TYRO3: variants seen among roughly 807,000 people sequenced by gnomAD.
TYRO3 encodes tyrosine-protein kinase receptor TYRO3.
A neutral mutation model predicts 95.2 loss-of-function variants in TYRO3; 38 were observed. That is an observed-to-expected ratio of 0.40 (90% CI 0.31 to 0.52). The LOEUF (loss-of-function observed/expected upper bound fraction) is 0.52. TYRO3 is among the 20% of genes least tolerant of loss of function. The pLI is 0.56. For missense variants in TYRO3, 812 were observed against 1,116.4 expected, an observed-to-expected ratio of 0.73 and a Z score of 3.89; for synonymous variants, 367 against 432.9, an observed-to-expected ratio of 0.85 and a Z score of 1.89.
At chr15:41,566,504 G>A (rs2055726871) in intron 6 of TYRO3, among the ~76,000 whole-genome samples, 1 of 152,142 alleles carries the variant, frequency 6.6e-6, no homozygotes, top group African/African-American at 2.4e-5. Context: ...ATGGTTCTGA[G>A]TCTGCTTCTG....
intron 8 of TYRO3, 110 bp downstream of exon 8, chr15:41,568,472 C>A (rs2055753252): frequency 1.8e-6 from 2 of 1,135,142 alleles, no homozygotes; most frequent in Non-Finnish European, 1.2e-6. Flanking sequence ...GGGTCTCCCG[C>A]AGCCCCAGGG....
Position 41,569,882 on chromosome 15 carries a change from A to C in TYRO3, c.1253-145A>C. 1.4e-5 allele frequency: 14 copies of C among 1,025,530 alleles called. No individual in the cohort carries two copies. The South Asian group carries it at 2.3e-4, about 17-fold the overall frequency. The allele number at this position is 1,025,530 out of a possible 1,614,324, so 63.5% of individuals were successfully genotyped here. A position where few individuals can be genotyped will look rare whatever the true frequency, so the allele number is the denominator to read the frequency against. On this transcript the variant is annotated intron_variant, in intron 9 of 18. Coordinates refer to ENST00000263798, the MANE Select transcript of TYRO3 (RefSeq NM_006293.4). ...CTCTGACCAGGTAGGAAGGACTCTT[A>C]GGCATTCCTCTGGAGCCCCTTTCCC... is the stretch of plus-strand genomic sequence containing the variant.
chr15:41,564,104 A>T, intron 4 of TYRO3, 80 bp from the exon 5 acceptor site: 1 of 1,318,496 alleles, frequency 7.6e-7, no homozygotes, highest in Non-Finnish European at 1.1e-6. Flanking sequence ...TTCAGACCAG[A>T]GCCTGAGTAT....
Position 41,559,257 on chromosome 15 carries a change from G to A in TYRO3, c.-1G>A. 1 of 404,848 alleles carries A rather than the reference G, an allele frequency of 2.5e-6. No individual in the cohort carries two copies. The highest frequency in any genetic ancestry group is 3.9e-6 in the Non-Finnish European group (1 of 255,224). 25.1% of individuals were successfully genotyped at this position (404,848 alleles called of 1,614,324 possible). A position where few individuals can be genotyped will look rare whatever the true frequency, so the allele number is the denominator to read the frequency against. Reference sequence around the variant, plus strand: ...CCCGGCATGGTGCGGCGTCGCCGCCGATGGCGCTGAGGCGGAGCATGGGGC... The same window carrying A: ...CCCGGCATGGTGCGGCGTCGCCGCCAATGGCGCTGAGGCGGAGCATGGGGC... On this transcript the variant is annotated 5_prime_UTR_variant, in exon 1 of 19. Transcript: ENST00000263798.
intron 18 of TYRO3, chr15:41,574,537 C>T: frequency 2.4e-6 from 1 of 415,106 alleles, no homozygotes; most frequent in Non-Finnish European, 4.8e-6. Context: ...GATTAAGTAA[C>T]ATGGCCAACG....
chr15:41,565,761 T>G (rs945261943), intron 6 of TYRO3, among the ~76,000 whole-genome samples: 2 of 151,702 alleles, frequency 1.3e-5, no homozygotes, highest in Non-Finnish European at 2.9e-5. Flanking sequence ...AGCTCAAACC[T>G]TTGCTGATAC....
At chr15:41,577,629 C>T (rs1595507066) in intron 18 of TYRO3, 1 of 304,478 alleles carries the variant, frequency 3.3e-6, no homozygotes, top group East Asian at 6.9e-5. Context: ...GCTGGGACTA[C>T]AGGCGTGTCT....
intron 1 of TYRO3, 106 bp downstream of exon 1, chr15:41,559,487 C>A (rs2052134013): frequency 3.7e-6 from 1 of 268,746 alleles, no homozygotes. Context: ...GGGTGGGGGT[C>A]CGGAGCCGAA....
intron 5 of TYRO3, 48 bp downstream of exon 5, chr15:41,564,318 C>A (rs777822199): frequency 6.4e-7 from 1 of 1,558,808 alleles, no homozygotes; most frequent in Non-Finnish European, 8.8e-7. Context: ...AGGGGCATTC[C>A]CAGCGAGCTG....
intron 18 of TYRO3, 119 bp from the exon 19 acceptor site, chr15:41,577,767 C>G (rs943323348): frequency 9.4e-7 from 1 of 1,063,084 alleles, no homozygotes; most frequent in East Asian, 2.4e-5. Context: ...ATTACAGATG[C>G]GAGCCGCTGT....
rs1367702118 is a variant in TYRO3, at chr15:41,583,337, C to T, written c.*5061C>T. On this transcript the variant is annotated 3_prime_UTR_variant, in exon 19 of 19. Transcript: ENST00000263798. Reference sequence around the variant, plus strand: ...TAGAGATGGAGTCTTGCTTTGTTGCCCAGGCTGGTCTTGAACTCTGGGCTG... The same window carrying T: ...TAGAGATGGAGTCTTGCTTTGTTGCTCAGGCTGGTCTTGAACTCTGGGCTG... The T allele has an allele frequency of 6.6e-6, 1 of 152,048 alleles. No homozygotes were observed. The highest frequency in any genetic ancestry group is 2.4e-5 in the African/African-American group (1 of 41,392). The allele number at this position is 152,048 out of a possible 1,614,324, so 9.4% of individuals were successfully genotyped here. A position where few individuals can be genotyped will look rare whatever the true frequency, so the allele number is the denominator to read the frequency against.
At position 41,570,050 on chromosome 15, in the gene TYRO3, C is replaced by T. The variant is rs1167709203; in HGVS notation, c.1276C>T (p.Arg426Cys). ...AGGCCAGCAGGGCCCTCCTCACAGC[C>T]GCACATCCTGGGTACCTGTGGTCCT... ...RAGQQGPPHS[R>C]TSWVPVVLGV... The change falls in exon 10 of 19, where the codon CGC (arginine) becomes TGC (cysteine). Residue 426 changes from arginine (R) to cysteine (C), a missense_variant. By Grantham distance (180) the Arg-to-Cys change is radical (BLOSUM62 -3). Coordinates refer to ENST00000263798, the MANE Select transcript of TYRO3 (RefSeq NM_006293.4). 1.9e-6 allele frequency: 3 copies of T among 1,613,408 alleles called. No homozygotes were observed. The highest frequency in any genetic ancestry group is 2.2e-5 in the East Asian group (1 of 44,894).
rs2055932639 is a variant in TYRO3, at chr15:41,582,541, G to T, written c.*4265G>T. 6.6e-6 allele frequency: 1 copy of T among 151,826 alleles called. No individual in the cohort carries two copies. The highest frequency in any genetic ancestry group is 6.6e-5 in the Admixed American group (1 of 15,232). The allele number at this position is 151,826 out of a possible 1,614,324, so 9.4% of individuals were successfully genotyped here. A position where few individuals can be genotyped will look rare whatever the true frequency, so the allele number is the denominator to read the frequency against. ...CTCGGAAAAAAAAAAAATTAGCTGG[G>T]CGTGCTGGTGGGTGCCTGTAATCCC... On this transcript the variant is annotated 3_prime_UTR_variant, in exon 19 of 19. Coordinates refer to ENST00000263798, the MANE Select transcript of TYRO3 (RefSeq NM_006293.4).
rs942620024 is a variant in TYRO3 at position 41,582,052 on chromosome 15, A to G, written c.*3776A>G. Reference sequence around the variant, plus strand: ...AATCTCTGCCTCCTCCCTACTCCCCATAGGTAACCTCTATCCTGACCTCTT... The same window carrying G: ...AATCTCTGCCTCCTCCCTACTCCCCGTAGGTAACCTCTATCCTGACCTCTT... On this transcript the variant is annotated 3_prime_UTR_variant, in exon 19 of 19. Transcript: ENST00000263798. 2.0e-5 allele frequency: 3 copies of G among 152,222 alleles called. No individual in the cohort carries two copies. Among genetic ancestry groups the G allele is most frequent in the Admixed American group, 6.5e-5 (1 of 15,268 alleles). The allele number at this position is 152,222 out of a possible 1,614,324, so 9.4% of individuals were successfully genotyped here. A position where few individuals can be genotyped will look rare whatever the true frequency, so the allele number is the denominator to read the frequency against.
Position 41,578,353 on chromosome 15 carries a change from C to T in TYRO3, c.*77C>T, listed in dbSNP as rs756289948. ...GCTGGCTGACTAAGCCCCGTCTGAC[C>T]CCAGCCCAGACAGCAAGGTGTGGAG... is the stretch of plus-strand genomic sequence containing the variant. On this transcript the variant is annotated 3_prime_UTR_variant, in exon 19 of 19. Transcript: ENST00000263798. 5 of 1,567,412 alleles carry T rather than the reference C, an allele frequency of 3.2e-6. No homozygotes were observed. The highest frequency in any genetic ancestry group is 4.3e-6 in the Non-Finnish European group (5 of 1,152,082).
Position 41,561,522 on chromosome 15 carries a change from G to A in TYRO3, c.309-17G>A, listed in dbSNP as rs370628908. 28 of 1,000,846 alleles carry A rather than the reference G, an allele frequency of 2.8e-5. No individual in the cohort carries two copies. Among genetic ancestry groups the A allele is most frequent in the Middle Eastern group, 4.6e-4 (2 of 4,324 alleles). The allele number at this position is 1,000,846 out of a possible 1,614,324, so 62.0% of individuals were successfully genotyped here. ...GCCCTTGCCCTCGGAAGCAAGCCTC[G>A]TATCCTGTTTCCACAGCCTGAAGTC... On this transcript the variant is annotated splice_polypyrimidine_tract_variant and intron_variant, in intron 2 of 18. Transcript: ENST00000263798.
intron 3 of TYRO3, chr15:41,562,247 A>T: frequency 4.1e-6 from 1 of 244,998 alleles, no homozygotes; most frequent in Non-Finnish European, 7.5e-6. Context: ...GCTACTCCGG[A>T]GGCTAAGGCC....
At chr15:41,577,125 A>G (rs2140837020) in intron 18 of TYRO3, among the ~76,000 whole-genome samples, 1 of 152,222 alleles carries the variant, frequency 6.6e-6, no homozygotes, top group East Asian at 1.9e-4. Context: ...GTAAATGTGG[A>G]AATGATTTCT....
At chr15:41,576,665 TTTTTA>T (rs1476646105) in intron 18 of TYRO3, among the ~76,000 whole-genome samples, 20 of 129,568 alleles carry the variant, frequency 1.5e-4, no homozygotes, top group East Asian at 6.2e-4. Flanking sequence ...TTTTTTTTTT[TTTTTA>T]AAAAAAAAAA....
Sources: allele counts gnomAD v4.1 joint callset (sites outside exome capture counted in the v4.1 genomes callset), GRCh38; gene constraint gnomAD v4.1.1; transcripts MANE v1.5; gene names NCBI Gene and HGNC (gene_info 2026-07-23, HGNC 2026-07-21).